The following PLCXD2 variants were observed in gnomAD, a reference collection of about 807,000 sequenced individuals.
PLCXD2 encodes the protein PI-PLC X domain-containing protein 2.
In PLCXD2, 21 loss-of-function variants were observed where a neutral mutation model predicts 28.6. That is an observed-to-expected ratio of 0.73 (90% CI 0.52 to 1.06). PLCXD2 has a LOEUF of 1.06. Among genes scored for constraint, PLCXD2 ranks in the 50% least tolerant of loss-of-function variants. The pLI, the probability that PLCXD2 is intolerant of heterozygous loss-of-function variation, is 0.00. For synonymous variants in PLCXD2, 140 were observed against 150.1 expected (o/e 0.93, Z 0.49); for missense variants, 369 against 376.7 (o/e 0.98, Z 0.17).
chr3:111,706,900 A>T (rs1414902346), intron 1 of PLCXD2, among the ~76,000 whole-genome samples: 1 of 152,166 alleles, frequency 6.6e-6, no homozygotes, highest in Admixed American at 6.5e-5. Flanking sequence ...AATTGTAAAT[A>T]TATTTATACA....
chr3:111,680,226 T>C (rs546313966), intron 1 of PLCXD2, among the ~76,000 whole-genome samples: 2 of 152,300 alleles, frequency 1.3e-5, no homozygotes, highest in African/African-American at 4.8e-5. Flanking sequence ...GATGGAGTCA[T>C]TACTCAGATC....
intron 3 of PLCXD2, among the ~76,000 whole-genome samples, chr3:111,717,133 G>A (rs1485290072): frequency 6.6e-6 from 1 of 152,126 alleles, no homozygotes; most frequent in Non-Finnish European, 1.5e-5. Flanking sequence ...GAGCAACAGG[G>A]TGGCCGTGGA....
At chr3:111,716,497 T>C (rs1941269502) in intron 3 of PLCXD2, among the ~76,000 whole-genome samples, 3 of 152,228 alleles carry the variant, frequency 2.0e-5, no homozygotes, top group South Asian at 2.1e-4. Context: ...ACAAGAAATA[T>C]AGCCATTTGA....
chr3:111,680,634 C>T (rs1345857990), intron 1 of PLCXD2, among the ~76,000 whole-genome samples: 1 of 152,120 alleles, frequency 6.6e-6, no homozygotes, highest in Non-Finnish European at 1.5e-5. Context: ...TTTCTCTAGC[C>T]ATCTCTCCTC....
intron 3 of PLCXD2, chr3:111,724,428 A>T (rs1016255529): frequency 3.9e-5 from 6 of 152,078 alleles, no homozygotes; most frequent in African/African-American, 9.7e-5. Flanking sequence ...TTTTTACATG[A>T]TCTCATATTC....
At chr3:111,725,991 T>C (rs1941410080) in intron 3 of PLCXD2, 1 of 397,506 alleles carries the variant, frequency 2.5e-6, no homozygotes, top group East Asian at 3.6e-5. Flanking sequence ...ATCACAGTGG[T>C]TATTGCTTCT....
At chr3:111,687,782 C>T (rs1327234120) in intron 1 of PLCXD2, among the ~76,000 whole-genome samples, 2 of 151,624 alleles carry the variant, frequency 1.3e-5, no homozygotes, top group Non-Finnish European at 2.9e-5. Context: ...AACCTCCTGG[C>T]TCAAGCAGTT....
At chr3:111,714,729 T>C (rs1941245305) in intron 3 of PLCXD2, among the ~76,000 whole-genome samples, 1 of 152,214 alleles carries the variant, frequency 6.6e-6, no homozygotes, top group South Asian at 2.1e-4. Context: ...TGATAGATGT[T>C]CTCAAGAAAA....
At position 111,708,356 on chromosome 3, in the gene PLCXD2, G is replaced by T. The variant is rs777445571; in HGVS notation, c.594G>T (p.Thr198=). 3.7e-6 allele frequency: 6 copies of T among 1,613,908 alleles called. No individual in the cohort carries two copies. In the Admixed American group the frequency reaches 5.0e-5, roughly 13 times the overall value. ...CAGCCTGCAGTGTGGAAAGTTTGAC[G>T]CTGCGAACTCTGTGGGAGAAGAACT... Residue 198 remains threonine (T), a synonymous_variant, in exon 2 of 5, where the codon ACG becomes ACT. Coordinates refer to ENST00000477665, the MANE Select transcript of PLCXD2 (RefSeq NM_001185106.1).
intron 2 of PLCXD2, among the ~76,000 whole-genome samples, chr3:111,709,289 G>T (rs1461397922): frequency 6.6e-6 from 1 of 152,102 alleles, no homozygotes; most frequent in Non-Finnish European, 1.5e-5. Context: ...AAGGACTAGG[G>T]ATAAATTAGT....
intron 1 of PLCXD2, among the ~76,000 whole-genome samples, chr3:111,683,513 C>T (rs747752472): frequency 6.6e-6 from 1 of 152,128 alleles, no homozygotes. Flanking sequence ...AACAAAATGA[C>T]CCAGCAGTTA....
Position 111,708,073 on chromosome 3 carries a change from A to C in PLCXD2, c.311A>C (p.Glu104Ala). 1 of 1,614,234 alleles carries C rather than the reference A, an allele frequency of 6.2e-7. No individual in the cohort carries two copies. Among genetic ancestry groups the C allele is most frequent in the Non-Finnish European group, 8.5e-7 (1 of 1,180,042 alleles). Residue 104 changes from glutamate to alanine, a missense_variant, in exon 2 of 5, where the codon GAA becomes GCA. Coordinates refer to ENST00000477665, the MANE Select transcript of PLCXD2 (RefSeq NM_001185106.1). ...GTGACTCAGAACCTGACATTTCGAG[A>C]ACAGCTGGAAGCTGGGATCCGCTAC...
At chr3:111,696,516 A>G (rs1940963723) in intron 1 of PLCXD2, among the ~76,000 whole-genome samples, 1 of 152,176 alleles carries the variant, frequency 6.6e-6, no homozygotes, top group East Asian at 1.9e-4. Flanking sequence ...CATCAGCTAT[A>G]GTGGGTAACT....
At chr3:111,716,635 G>A (rs956644110) in intron 3 of PLCXD2, among the ~76,000 whole-genome samples, 1 of 152,070 alleles carries the variant, frequency 6.6e-6, no homozygotes, top group Non-Finnish European at 1.5e-5. Flanking sequence ...AACTCTATAA[G>A]GGAACATGGA....
intron 1 of PLCXD2, among the ~76,000 whole-genome samples, chr3:111,679,408 T>G (rs968423881): frequency 6.6e-6 from 1 of 152,216 alleles, no homozygotes; most frequent in Non-Finnish European, 1.5e-5. Context: ...AACACATTGT[T>G]ATTTTTAAGT....
At chr3:111,692,655 G>T (rs1940905338) in intron 1 of PLCXD2, 1 of 152,158 alleles carries the variant, frequency 6.6e-6, no homozygotes, top group Non-Finnish European at 1.5e-5. Flanking sequence ...TATTGAGAGG[G>T]TAACCAAATT....
At chr3:111,680,349 G>A (rs963888577) in intron 1 of PLCXD2, among the ~76,000 whole-genome samples, 5 of 152,044 alleles carry the variant, frequency 3.3e-5, no homozygotes, top group Admixed American at 6.6e-5. Context: ...TCTACTTTGA[G>A]GATAGTATGA....
chr3:111,693,612 C>T (rs150607508), intron 1 of PLCXD2, among the ~76,000 whole-genome samples: 103 of 152,252 alleles, frequency 6.8e-4, no homozygotes, highest in Middle Eastern at 3.4e-3. Flanking sequence ...CTACTTCATG[C>T]TTTTGTGACT....
rs546691808 is a variant in PLCXD2, at chr3:111,675,932, A to G, written c.163+524A>G. Among the ~76,000 whole-genome samples, 17 of 152,358 alleles carry G rather than the reference A, an allele frequency of 1.1e-4. No homozygotes were observed. The South Asian group carries it at 1.4e-3, about 13-fold the overall frequency. On this transcript the variant is annotated intron_variant, in intron 1 of 4. Coordinates refer to ENST00000477665, the MANE Select transcript of PLCXD2 (RefSeq NM_001185106.1). Reference sequence around the variant, plus strand: ...GACACATTTTTGTTGTTAGAAAGCCAGAATAGAGAATGCAGACTCTCATCA... The same window carrying G: ...GACACATTTTTGTTGTTAGAAAGCCGGAATAGAGAATGCAGACTCTCATCA...
Sources: allele counts gnomAD v4.1 joint callset (sites outside exome capture counted in the v4.1 genomes callset), GRCh38; gene constraint gnomAD v4.1.1; transcripts MANE v1.5; gene names NCBI Gene and HGNC (gene_info 2026-07-23, HGNC 2026-07-21).